The following THRAP3 variants were observed in gnomAD, a reference collection of about 807,000 sequenced individuals.
THRAP3 encodes thyroid hormone receptor-associated protein 3.
In THRAP3, 16 loss-of-function variants were observed where a neutral mutation model predicts 101.0. The observed-to-expected ratio is 0.16, with a 90% confidence interval of 0.11 to 0.24. The LOEUF (loss-of-function observed/expected upper bound fraction) is 0.24, where lower values mean the gene tolerates loss of function less well. Ranked by LOEUF, THRAP3 falls within the 10% of genes least tolerant of loss-of-function variation. THRAP3 has a pLI of 1.00. For missense variants in THRAP3, 989 were observed against 1,202.7 expected (o/e 0.82, Z 2.63); for synonymous variants, 407 against 422.6 (o/e 0.96, Z 0.45).
intron 4 of THRAP3, chr1:36,288,424 A>T (rs971857327): frequency 1.0e-6 from 1 of 985,292 alleles, no homozygotes; most frequent in African/African-American, 1.7e-5. Flanking sequence ...CCATGCCAGG[A>T]CTGTGAATCT....
the THRAP3 span, among the ~76,000 whole-genome samples, chr1:36,211,882 C>T: frequency 6.6e-6 from 1 of 152,216 alleles, no homozygotes; most frequent in African/African-American, 2.4e-5. Context: ...CCAGTCTCTA[C>T]TGATTTCCCT....
At chr1:36,239,279 A>G (rs1213621562) in intron 1 of THRAP3, among the ~76,000 whole-genome samples, 8 of 63,880 alleles carry the variant, frequency 1.3e-4, no homozygotes, top group African/African-American at 3.1e-4. Flanking sequence ...TTTTTTTTTG[A>G]GTCAGCTTCT....
chr1:36,300,869 C>T lies in THRAP3; in HGVS notation c.2304-17C>T, dbSNP rs373464534. ...TTAGAAAGATGATTGATCACCCTGGCTCTTCTCTTTTCACAGGAAGCATCG... is the reference window on the plus strand; with the variant it reads ...TTAGAAAGATGATTGATCACCCTGGTTCTTCTCTTTTCACAGGAAGCATCG... On this transcript the variant is annotated splice_polypyrimidine_tract_variant and intron_variant, in intron 9 of 11. Coordinates refer to ENST00000354618, the MANE Select transcript of THRAP3 (RefSeq NM_005119.4). 1.6e-5 allele frequency: 26 copies of T among 1,611,922 alleles called. No individual in the cohort carries two copies. The African/African-American group carries it at 1.7e-4, about 11-fold the overall frequency.
In THRAP3 at chr1:36,286,555, T is replaced by C; in HGVS notation, c.325T>C (p.Ser109Pro). The change falls in exon 4 of 12, where the codon TCA becomes CCA. Residue 109 changes from serine to proline, a missense_variant. By Grantham distance (74) the Ser-to-Pro change is moderately conservative. Coordinates refer to ENST00000354618, the MANE Select transcript of THRAP3 (RefSeq NM_005119.4). This position sits in a 1 kb window ranked among gnomAD's most constrained non-coding sequence, Gnocchi z 5.5. ...CCGAGGAGGCTATGGAAACTACCGC[T>C]CAAATTGGCAGAATTACCGGCAAGC... ...YNRGGYGNYR[S>P]NWQNYRQAYS... 6.2e-7 allele frequency: 1 copy of C among 1,613,962 alleles called. No homozygotes were observed. Among genetic ancestry groups the C allele is most frequent in the Non-Finnish European group, 8.5e-7 (1 of 1,180,004 alleles).
intron 1 of THRAP3, among the ~76,000 whole-genome samples, chr1:36,248,099 T>C (rs4551557): frequency 0.95 from 143,879 of 152,142 alleles, 68,570 homozygotes; most frequent in Middle Eastern, 1. Flanking sequence ...AAGCTGGTCT[T>C]GAACTCCAGA....
At position 36,296,749 on chromosome 1, in the gene THRAP3, A is replaced by T. The variant is rs144921703; in HGVS notation, c.2282A>T (p.His761Leu). The T allele has an allele frequency of 2.5e-6, 4 of 1,594,776 alleles. No individual in the cohort carries two copies. Among genetic ancestry groups the T allele is most frequent in the Non-Finnish European group, 3.4e-6 (4 of 1,174,918 alleles). Residue 761 changes from histidine (H) to leucine (L), a missense_variant, in exon 9 of 12, where the codon CAT (histidine) becomes CTT (leucine). Transcript: ENST00000354618. ...ERSAEKTEKT[H>L]KGSKKQKKHR... ...TCAGCTGAAAAAACAGAGAAAACTC[A>T]TAAAGGATCAAAGAAACAGAAGTAC... is the stretch of plus-strand genomic sequence containing the variant.
At chr1:36,218,212 T>A in the THRAP3 span, among the ~76,000 whole-genome samples, 3 of 144,004 alleles carry the variant, frequency 2.1e-5, no homozygotes, top group South Asian at 2.2e-4. Context: ...TAAAAAAAAA[T>A]ATATAAATTA....
At chr1:36,261,266 C>G (rs945210498) in intron 2 of THRAP3, among the ~76,000 whole-genome samples, 3 of 152,108 alleles carry the variant, frequency 2.0e-5, no homozygotes, top group African/African-American at 7.2e-5. Flanking sequence ...GGTGCGGTGG[C>G]TCACGCCTGT....
At chr1:36,245,400 C>G (rs1383638072) in intron 1 of THRAP3, among the ~76,000 whole-genome samples, 1 of 151,962 alleles carries the variant, frequency 6.6e-6, no homozygotes, top group Admixed American at 6.6e-5. Context: ...AACTCCTGAC[C>G]TCAGGTGATC....
At chr1:36,236,028 T>C (rs1006375622) in intron 1 of THRAP3, among the ~76,000 whole-genome samples, 1 of 151,714 alleles carries the variant, frequency 6.6e-6, no homozygotes, top group Non-Finnish European at 1.5e-5. Flanking sequence ...GTGGGCAGAT[T>C]GTGAGGTCAG....
At chr1:36,293,028 C>CTTTTTTTTTTTTTTGTTTTTTTTTT (rs1645897041) in intron 7 of THRAP3, among the ~76,000 whole-genome samples, 1 of 82,798 alleles carries the variant, frequency 1.2e-5, no homozygotes, top group Non-Finnish European at 2.2e-5. Context: ...CTTTTCTTGT[C>CTTTTTTTTTTTTTTGTTTTTTTTTT]TTTTTTTTTT....
At chr1:36,295,545 T>TTTCCTTCCTTCCTTCCTTCCTTCC (rs55705007) in intron 8 of THRAP3, among the ~76,000 whole-genome samples, 94 of 145,516 alleles carry the variant, frequency 6.5e-4, no homozygotes, top group African/African-American at 1.6e-3. Context: ...AGAGAAGTTT[T>TTTCCTTCCTTCCTTCCTTCCTTCC]TTCCTTCCTT....
intron 1 of THRAP3, among the ~76,000 whole-genome samples, chr1:36,226,051 A>G (rs1644958431): frequency 6.7e-6 from 1 of 150,014 alleles, no homozygotes. Context: ...AGCAGTGGTG[A>G]TGGTAGTAGT....
intron 2 of THRAP3, among the ~76,000 whole-genome samples, chr1:36,266,411 G>A (rs937420030): frequency 6.6e-6 from 1 of 152,100 alleles, no homozygotes; most frequent in African/African-American, 2.4e-5. Flanking sequence ...GTGCCCCTCT[G>A]CCTGCTGTAT....
chr1:36,273,280 G>C (rs1302728123), intron 2 of THRAP3, among the ~76,000 whole-genome samples: 2 of 152,210 alleles, frequency 1.3e-5, no homozygotes, highest in African/African-American at 2.4e-5. Context: ...TGGTTAGAGG[G>C]ATAAGGAGCG....
At chr1:36,230,554 C>T (rs1374058745) in intron 1 of THRAP3, among the ~76,000 whole-genome samples, 6 of 152,164 alleles carry the variant, frequency 3.9e-5, no homozygotes, top group African/African-American at 7.2e-5. Context: ...GGAGCCACCG[C>T]GCCCGGCCTA....
chr1:36,250,493 G>T (rs572356035), intron 1 of THRAP3, among the ~76,000 whole-genome samples: 25 of 151,870 alleles, frequency 1.6e-4, no homozygotes, highest in Admixed American at 6.6e-5. Flanking sequence ...ATTACAGGCG[G>T]TATATTCTTA....
At chr1:36,251,241 T>G (rs1269351476) in intron 1 of THRAP3, among the ~76,000 whole-genome samples, 2 of 152,158 alleles carry the variant, frequency 1.3e-5, no homozygotes, top group Non-Finnish European at 2.9e-5. Flanking sequence ...TGGTAGCTTA[T>G]AAAAGTTTTG....
At chr1:36,238,996 C>T (rs534084484) in intron 1 of THRAP3, among the ~76,000 whole-genome samples, 213 of 151,994 alleles carry the variant, frequency 1.4e-3, no homozygotes, top group Non-Finnish European at 2.4e-3. Context: ...TGCAGTGGCG[C>T]GATCTCGGCT....
Sources: gnomAD v4.1 joint callset for allele counts (sites outside exome capture counted in the v4.1 genomes callset) on GRCh38, gnomAD v4.1.1 for gene constraint, Gnocchi (gnomAD v3.1) non-coding constraint, MANE v1.5 for transcripts, NCBI Gene and HGNC (gene_info 2026-07-23, HGNC 2026-07-21) for gene names.